Variants in NTNG1 observed in about 807,000 individuals in gnomAD.
The protein encoded by NTNG1 is netrin-G1.
NTNG1 carries 16 observed loss-of-function variants against 54.0 expected under a neutral mutation model. That is an observed-to-expected ratio of 0.30 (90% confidence interval 0.20 to 0.45). The LOEUF is 0.45. NTNG1 is among the 20% of genes least tolerant of loss of function. The pLI is 1.00. For synonymous variants in NTNG1, 255 were observed against 263.1 expected, an observed-to-expected ratio of 0.97 and a Z score of 0.30; for missense variants, 530 against 678.7, an observed-to-expected ratio of 0.78 and a Z score of 2.43.
intron 3 of NTNG1, among the ~76,000 whole-genome samples, chr1:107,339,629 GA>G (rs1049014830): frequency 1.3e-5 from 2 of 152,040 alleles, no homozygotes; most frequent in Non-Finnish European, 2.9e-5. Flanking sequence ...TAGTAAACTA[GA>G]AATGACTTTG....
At chr1:107,466,377 C>T (rs1333949098) in intron 7 of NTNG1, among the ~76,000 whole-genome samples, 1 of 152,150 alleles carries the variant, frequency 6.6e-6, no homozygotes, top group African/African-American at 2.4e-5. Context: ...TCAAAATACT[C>T]ATATTCATTG....
At chr1:107,191,307 A>T (rs1481967434) in intron 2 of NTNG1, among the ~76,000 whole-genome samples, 1 of 151,868 alleles carries the variant, frequency 6.6e-6, no homozygotes, top group Admixed American at 6.6e-5. Flanking sequence ...GTTTGAGTTC[A>T]TTGTAGATTC....
intron 2 of NTNG1, among the ~76,000 whole-genome samples, chr1:107,222,455 G>A (rs936006954): frequency 5.3e-5 from 8 of 152,144 alleles, no homozygotes; most frequent in Non-Finnish European, 4.4e-5. Flanking sequence ...TAACTTTAGG[G>A]TTGGTGTGAG....
chr1:107,360,839 C>G (rs1306894656), intron 3 of NTNG1, among the ~76,000 whole-genome samples: 2 of 152,192 alleles, frequency 1.3e-5, no homozygotes, highest in African/African-American at 4.8e-5. Flanking sequence ...ATCTAGTCAC[C>G]AGTCACTGAG....
At chr1:107,344,395 G>A (rs1669097779) in intron 3 of NTNG1, among the ~76,000 whole-genome samples, 2 of 152,092 alleles carry the variant, frequency 1.3e-5, no homozygotes, top group Non-Finnish European at 2.9e-5. Flanking sequence ...GGCTCCTAGG[G>A]AGACACGAAG....
chr1:107,473,531 T>G (rs909060861), intron 7 of NTNG1, among the ~76,000 whole-genome samples: 2 of 152,178 alleles, frequency 1.3e-5, no homozygotes, highest in Non-Finnish European at 2.9e-5. Flanking sequence ...TAAGTCACAT[T>G]TGACAGTAGA....
At chr1:107,266,054 A>G (rs1053759960) in intron 2 of NTNG1, among the ~76,000 whole-genome samples, 2 of 152,172 alleles carry the variant, frequency 1.3e-5, no homozygotes, top group African/African-American at 4.8e-5. Context: ...CGCTAGTCAC[A>G]TTTTGGAGTC....
intron 6 of NTNG1, among the ~76,000 whole-genome samples, chr1:107,432,904 A>T (rs1045884417): frequency 2.6e-5 from 4 of 152,032 alleles, no homozygotes; most frequent in Admixed American, 6.6e-5. Context: ...TAAACTGTGA[A>T]CTCCACATCT....
chr1:107,419,165 C>T (rs926330800), intron 5 of NTNG1, among the ~76,000 whole-genome samples: 3 of 151,688 alleles, frequency 2.0e-5, no homozygotes, highest in African/African-American at 7.3e-5. Flanking sequence ...GTCTTCCTCC[C>T]TCCCTTTAGC....
At chr1:107,467,442 C>G (rs1339832582) in intron 7 of NTNG1, among the ~76,000 whole-genome samples, 1 of 152,164 alleles carries the variant, frequency 6.6e-6, no homozygotes, top group Non-Finnish European at 1.5e-5. Flanking sequence ...TGAGCAGTGC[C>G]TGGCACTTAC....
chr1:107,427,336 A>G (rs1012830632), intron 5 of NTNG1, among the ~76,000 whole-genome samples: 2 of 152,064 alleles, frequency 1.3e-5, no homozygotes, highest in African/African-American at 4.8e-5. Context: ...ATACTATATA[A>G]GAAGAAATGG....
chr1:107,309,015 CT>C (rs146284291), intron 2 of NTNG1, among the ~76,000 whole-genome samples: 21,352 of 108,922 alleles, frequency 0.2, 1,820 homozygotes, highest in Admixed American at 0.32. Flanking sequence ...CTTTCTTTTC[CT>C]TTGTTCTCTA....
chr1:107,271,918 G>T (rs1177832328), intron 2 of NTNG1, among the ~76,000 whole-genome samples: 1 of 152,104 alleles, frequency 6.6e-6, no homozygotes, highest in Non-Finnish European at 1.5e-5. Context: ...ATTATGGGGA[G>T]GTAAGACCTT....
rs979460835 is a variant in NTNG1 at position 107,180,774 on chromosome 1, C to T, written c.246+31935C>T. On this transcript the variant is annotated intron_variant, in intron 2 of 7. Transcript: ENST00000370068. Reference sequence around the variant, plus strand: ...TAAAGCTTAGGAGGAAACCACAAAACTAAAACATAATAATTGCCTAGATTA... The same window carrying T: ...TAAAGCTTAGGAGGAAACCACAAAATTAAAACATAATAATTGCCTAGATTA... Among the ~76,000 whole-genome samples, 4 of 152,198 alleles carry T rather than the reference C, an allele frequency of 2.6e-5. No homozygotes were observed. In the South Asian group the frequency reaches 8.3e-4, roughly 32 times the overall value.
chr1:107,460,968 C>G (rs146147944), intron 7 of NTNG1, among the ~76,000 whole-genome samples: 90 of 152,274 alleles, frequency 5.9e-4, no homozygotes, highest in African/African-American at 1.9e-3. Context: ...TAAAATCCAT[C>G]CCAGCCAGGA....
chr1:107,415,569 G>T, intron 5 of NTNG1, among the ~76,000 whole-genome samples: 1 of 152,058 alleles, frequency 6.6e-6, no homozygotes, highest in East Asian at 1.9e-4. Context: ...GGGATCAGAC[G>T]TGTCATCTTC....
chr1:107,144,250 A>G lies in NTNG1; in HGVS notation c.-526+3110A>G, dbSNP rs558466539. ...TATATCTTTATCTTTTTATATTTTC[A>G]CTCAATGATCTATATAGTCAATTTT... On this transcript the variant is annotated intron_variant, in intron 1 of 7. Coordinates refer to ENST00000370068, the MANE Select transcript of NTNG1 (RefSeq NM_001113226.3). Among the ~76,000 whole-genome samples, 3 of 152,142 alleles carry G rather than the reference A, an allele frequency of 2.0e-5. No individual in the cohort carries two copies. In the East Asian group the frequency reaches 5.8e-4, roughly 29 times the overall value.
intron 2 of NTNG1, among the ~76,000 whole-genome samples, chr1:107,176,834 T>C (rs1461945199): frequency 3.9e-5 from 6 of 152,188 alleles, no homozygotes; most frequent in Admixed American, 1.3e-4. Context: ...TAAACAAATA[T>C]ACGTAGTCTA....
chr1:107,356,254 G>A (rs1339988871), intron 3 of NTNG1, among the ~76,000 whole-genome samples: 1 of 152,140 alleles, frequency 6.6e-6, no homozygotes, highest in Non-Finnish European at 1.5e-5. Flanking sequence ...CTGGTAGAAA[G>A]TATATTCTCA....
Sources: gnomAD v4.1 joint callset for allele counts (sites outside exome capture counted in the v4.1 genomes callset) on GRCh38, gnomAD v4.1.1 for gene constraint, MANE v1.5 for transcripts, NCBI Gene and HGNC (gene_info 2026-07-23, HGNC 2026-07-21) for gene names.